KSR2: variants seen among roughly 807,000 people sequenced by gnomAD.
KSR2 encodes kinase suppressor of ras 2.
In KSR2, 25 loss-of-function variants were observed where a neutral mutation model predicts 107.8. The ratio of observed to expected loss-of-function variants is 0.23; its 90% CI spans 0.17 to 0.32. KSR2 has a LOEUF of 0.32. Among genes scored for constraint, KSR2 ranks in the 10% least tolerant of loss-of-function variants. KSR2 has a pLI of 1.00. For synonymous variants in KSR2, 480 were observed against 507.0 expected, an observed-to-expected ratio of 0.95 and a Z score of 0.71; for missense variants, 887 against 1,268.9, an observed-to-expected ratio of 0.70 and a Z score of 4.57.
chr12:117,678,970 G>T (rs1885255469), intron 4 of KSR2, among the ~76,000 whole-genome samples: 1 of 152,186 alleles, frequency 6.6e-6, no homozygotes, highest in African/African-American at 2.4e-5. Flanking sequence ...CATGGCATCA[G>T]TGGGAAAGAC....
At chr12:117,853,762 CCA>C (rs1893003109) in intron 3 of KSR2, among the ~76,000 whole-genome samples, 1 of 152,110 alleles carries the variant, frequency 6.6e-6, no homozygotes, top group Non-Finnish European at 1.5e-5. Flanking sequence ...TCCCTGTCAG[CCA>C]CACTCATGTT....
intron 3 of KSR2, among the ~76,000 whole-genome samples, chr12:117,787,270 T>C (rs1208437090): frequency 5.3e-5 from 8 of 152,166 alleles, no homozygotes; most frequent in Non-Finnish European, 1.0e-4. Flanking sequence ...TCTTGTGGGA[T>C]ACCAGGCACA....
chr12:117,761,282 G>A lies in KSR2; in HGVS notation c.715C>T (p.Pro239Ser), dbSNP rs1566000018. Residue 239 changes from proline to serine, a missense_variant, in exon 4 of 20, where the codon CCG (proline) becomes TCG (serine). By Grantham distance (74) the Pro-to-Ser change is moderately conservative (BLOSUM62 -1). Around this residue, in one of 8 missense-constraint regions of KSR2, gnomAD observed 399 missense variants for 479.5 expected, o/e 0.83. Transcript: ENST00000339824. ...VDAYPGLCPP[P>S]PLESGHRSLP... The stretch of plus-strand genomic sequence containing the variant: ...GAACGGTGGCCCGACTCCAGTGGCG[G>A]GGGCGGGCACAAGCCCGGGTAGGCG... The A allele has an allele frequency of 1.3e-6, 2 of 1,520,158 alleles. No homozygotes were observed. The highest frequency in any genetic ancestry group is 1.3e-5 in the South Asian group (1 of 75,382). The allele number at this position is 1,520,158 out of a possible 1,614,324, so 94.2% of individuals were successfully genotyped here.
intron 4 of KSR2, among the ~76,000 whole-genome samples, chr12:117,754,629 C>T (rs1194175194): frequency 1.4e-5 from 2 of 141,794 alleles, no homozygotes; most frequent in Admixed American, 7.0e-5. Context: ...CAGAGTGAGG[C>T]TCCATCTCAA....
chr12:117,741,936 T>C (rs967442440), intron 4 of KSR2, among the ~76,000 whole-genome samples: 4 of 152,202 alleles, frequency 2.6e-5, no homozygotes, highest in South Asian at 2.1e-4. Context: ...CACAAGATAC[T>C]TATGAATTTC....
intron 3 of KSR2, among the ~76,000 whole-genome samples, chr12:117,783,628 G>C (rs572230838): frequency 2.0e-5 from 3 of 152,248 alleles, no homozygotes; most frequent in Admixed American, 6.5e-5. Context: ...GACAGCAGGT[G>C]GGTAGGGCAG....
rs964787527 is a variant in KSR2, at chr12:117,557,504, G to A, written c.1393+1002C>T. Among the ~76,000 whole-genome samples, 7 of 152,290 alleles carry A rather than the reference G, an allele frequency of 4.6e-5. No individual in the cohort carries two copies. The South Asian group carries it at 8.3e-4, about 18-fold the overall frequency. On this transcript the variant is annotated intron_variant, in intron 8 of 19. Coordinates refer to ENST00000339824, the MANE Select transcript of KSR2 (RefSeq NM_173598.6). Reference sequence around the variant, plus strand: ...TAGGTCTGAGGTGGAGCCATAAATCGTGCATTTCTAACAAGCTCCCAGGTG... The same window carrying A: ...TAGGTCTGAGGTGGAGCCATAAATCATGCATTTCTAACAAGCTCCCAGGTG...
In KSR2 at chr12:117,760,566, C is replaced by T. The variant is rs115311268; in HGVS notation, c.986+445G>A. On this transcript the variant is annotated intron_variant, in intron 4 of 19. Coordinates refer to ENST00000339824, the MANE Select transcript of KSR2 (RefSeq NM_173598.6). Reference sequence around the variant, plus strand: ...TAGAAAGTTGAAGGTTAATATATGCCTCATATCCTATTTCTAGGAGCGGCA... The same window carrying T: ...TAGAAAGTTGAAGGTTAATATATGCTTCATATCCTATTTCTAGGAGCGGCA... 6.3e-3 allele frequency among the ~76,000 whole-genome samples: 952 copies of T among 152,140 alleles called. 7 individuals are homozygous for T. The highest frequency in any genetic ancestry group is 0.021 in the African/African-American group (858 of 41,476).
chr12:117,635,758 C>T (rs556321085), intron 5 of KSR2, among the ~76,000 whole-genome samples: 1 of 151,868 alleles, frequency 6.6e-6, no homozygotes, highest in East Asian at 1.9e-4. Context: ...AACCACAATA[C>T]ATCTGTCAAA....
In KSR2 at chr12:117,479,996, G is replaced by A. The variant is rs187957945; in HGVS notation, c.2451-3401C>T. On this transcript the variant is annotated intron_variant, in intron 16 of 19. Transcript: ENST00000339824. The stretch of plus-strand genomic sequence containing the variant: ...GGACTGTGTCAGCTGCCAGAGACAC[G>A]CAATTACTGGACATAATCATTACAC... 2.2e-3 allele frequency among the ~76,000 whole-genome samples: 330 copies of A among 151,516 alleles called. 1 individual carries two copies. The highest frequency in any genetic ancestry group is 7.4e-3 in the African/African-American group (306 of 41,320).
chr12:117,904,587 C>T (rs1302060918), intron 1 of KSR2, among the ~76,000 whole-genome samples: 2 of 152,252 alleles, frequency 1.3e-5, no homozygotes, highest in African/African-American at 4.8e-5. Context: ...CACTATGTGC[C>T]AGTATCCTAC....
chr12:117,658,879 T>C (rs148516438), intron 5 of KSR2, among the ~76,000 whole-genome samples: 293 of 152,136 alleles, frequency 1.9e-3, no homozygotes, highest in African/African-American at 4.5e-3. Context: ...TCTGAAGGCG[T>C]TATGGTTTTT....
intron 3 of KSR2, among the ~76,000 whole-genome samples, chr12:117,841,090 T>C (rs373309883): frequency 1.3e-5 from 2 of 152,004 alleles, no homozygotes; most frequent in Admixed American, 1.3e-4. Flanking sequence ...AAACAATAGC[T>C]TGGGTACTTC....
intron 17 of KSR2, among the ~76,000 whole-genome samples, chr12:117,471,803 C>T (rs913189395): frequency 3.9e-5 from 6 of 151,948 alleles, no homozygotes; most frequent in Non-Finnish European, 8.8e-5. Flanking sequence ...ATAAAAAATG[C>T]TCAATATATA....
At chr12:117,692,505 TACACACACAC>T (rs374072306) in intron 4 of KSR2, among the ~76,000 whole-genome samples, 1 of 104,768 alleles carries the variant, frequency 9.5e-6, no homozygotes, top group African/African-American at 3.5e-5. Flanking sequence ...TATATATATA[TACACACACAC>T]ATATATATAC....
chr12:117,600,999 T>C (rs1022759523), intron 5 of KSR2, among the ~76,000 whole-genome samples: 4 of 152,164 alleles, frequency 2.6e-5, no homozygotes, highest in Non-Finnish European at 4.4e-5. Flanking sequence ...ACTGTTTACT[T>C]ACTTACCTGC....
At chr12:117,954,578 T>G (rs1235129834) in intron 1 of KSR2, among the ~76,000 whole-genome samples, 1 of 152,206 alleles carries the variant, frequency 6.6e-6, no homozygotes, top group Non-Finnish European at 1.5e-5. Flanking sequence ...TAACATTTAC[T>G]GAATAAATGA....
chr12:117,532,165 C>A (rs1403373907), intron 10 of KSR2, among the ~76,000 whole-genome samples: 2 of 152,212 alleles, frequency 1.3e-5, no homozygotes, highest in African/African-American at 4.8e-5. Flanking sequence ...GTGCCTGTAA[C>A]AAATTACTAC....
In KSR2 at chr12:117,936,951, G is replaced by A. The variant is rs147078648; in HGVS notation, c.180+31125C>T. Among the ~76,000 whole-genome samples the A allele has an allele frequency of 3.3e-3, 508 of 152,268 alleles. 6 individuals carry two copies. Among genetic ancestry groups the A allele is most frequent in the African/African-American group, 0.011 (469 of 41,556 alleles). On this transcript the variant is annotated intron_variant, in intron 1 of 19. Transcript: ENST00000339824. ...GGAGACTAGACAAACATGAGCCAGA[G>A]CCCAGAGGGTGCCCAGGGACGCCTC...
Sources: allele counts gnomAD v4.1 joint callset (sites outside exome capture counted in the v4.1 genomes callset), GRCh38; gene constraint gnomAD v4.1.1; regional missense constraint gnomAD v4.1.1; transcripts MANE v1.5; gene names NCBI Gene and HGNC (gene_info 2026-07-23, HGNC 2026-07-21).